Variants in STX1B observed in about 807,000 individuals in gnomAD.
STX1B encodes the protein syntaxin 1B, also known as syntaxin-1B.
In STX1B, 7 loss-of-function variants were observed where a neutral mutation model predicts 39.4. That is an observed-to-expected ratio of 0.18 (90% CI 0.10 to 0.33). The LOEUF is 0.33. Among genes scored for constraint, STX1B ranks in the 10% least tolerant of loss-of-function variants. The pLI, the probability that STX1B is intolerant of heterozygous loss-of-function variation, is 1.00. For missense variants in STX1B, 198 were observed against 383.2 expected (o/e 0.52, Z 4.04); for synonymous variants, 136 against 144.1 (o/e 0.94, Z 0.40).
intron 7 of STX1B, among the ~76,000 whole-genome samples, chr16:30,995,016 A>C (rs2143665324): frequency 6.6e-6 from 1 of 150,572 alleles, no homozygotes; most frequent in African/African-American, 2.4e-5. Context: ...TACTCAGGCA[A>C]TCCTTCCACC....
chr16:30,997,842 C>T (rs1233327713), intron 4 of STX1B, among the ~76,000 whole-genome samples: 1 of 152,216 alleles, frequency 6.6e-6, no homozygotes, highest in Non-Finnish European at 1.5e-5. Flanking sequence ...GCTATTTGTT[C>T]TAGTGGCAGA....
At chr16:30,993,077 C>T (rs957746814) in intron 9 of STX1B, 53 bp downstream of exon 9, 9 of 1,563,980 alleles carry the variant, frequency 5.8e-6, no homozygotes, top group East Asian at 2.2e-5. Flanking sequence ...CACCTCAGCC[C>T]GGGCTCAGCC....
rs1386770063 is a variant in STX1B at position 31,001,993 on chromosome 16, C to T, written c.31-390G>A. Among the ~76,000 whole-genome samples, 1 of 152,126 alleles carries T rather than the reference C, an allele frequency of 6.6e-6. No homozygotes were observed. The highest frequency in any genetic ancestry group is 1.5e-5 in the Non-Finnish European group (1 of 68,008). The stretch of plus-strand genomic sequence containing the variant: ...CGGGAGCCTGGATCTCCCTACTGTT[C>T]CTGCTCTCCTGCCCAGATCTCACTT... On this transcript the variant is annotated intron_variant, in intron 1 of 9. Transcript: ENST00000215095. This position sits in a 1 kb window ranked among gnomAD's most constrained non-coding sequence, Gnocchi z 5.5.
intron 4 of STX1B, 50 bp from the exon 5 acceptor site, chr16:30,997,625 GCGAGGGTC>G: frequency 6.5e-7 from 1 of 1,540,758 alleles, no homozygotes; most frequent in Non-Finnish European, 8.8e-7. Flanking sequence ...GGCACATGGG[GCGAGGGTC>G]CGGGGCGTAC....
chr16:30,996,600 A>C (rs1237022944), intron 7 of STX1B, 83 bp downstream of exon 7: 52 of 1,261,144 alleles, frequency 4.1e-5, no homozygotes, highest in Non-Finnish European at 5.8e-5. Flanking sequence ...TCCAGGGTGG[A>C]CTTAGGACCT....
chr16:30,997,888 T>C (rs2056604283), intron 4 of STX1B, among the ~76,000 whole-genome samples: 1 of 152,236 alleles, frequency 6.6e-6, no homozygotes, highest in Non-Finnish European at 1.5e-5. Flanking sequence ...TGGTAATTCC[T>C]GTCCAACTCC....
intron 7 of STX1B, among the ~76,000 whole-genome samples, chr16:30,995,975 G>C (rs1249600444): frequency 6.6e-6 from 1 of 152,104 alleles, no homozygotes; most frequent in Non-Finnish European, 1.5e-5. Flanking sequence ...CCAGAAGTTT[G>C]AGACCAGCCT....
chr16:30,994,421 CA>C (rs543652303), intron 7 of STX1B, among the ~76,000 whole-genome samples: 218 of 111,332 alleles, frequency 2.0e-3, no homozygotes, highest in East Asian at 0.016. Flanking sequence ...TTGTTTCTAT[CA>C]AAAAAAAAAA....
In STX1B at chr16:31,001,405, A is replaced by AGGGGCT. The variant is rs1233636210; in HGVS notation, c.105+118_105+123dup. The AGGGGCT allele has an allele frequency of 3.4e-5, 21 of 622,790 alleles. 1 individual carries two copies. Among genetic ancestry groups the AGGGGCT allele is most frequent in the Non-Finnish European group, 4.6e-5 (19 of 414,834 alleles). 38.6% of individuals were successfully genotyped at this position (622,790 alleles called of 1,614,324 possible). A position where few individuals can be genotyped will look rare whatever the true frequency, so the allele number is the denominator to read the frequency against. On this transcript the variant is annotated intron_variant, in intron 2 of 9. Coordinates refer to ENST00000215095, the MANE Select transcript of STX1B (RefSeq NM_052874.5). This position sits in a 1 kb window ranked among gnomAD's most constrained non-coding sequence, Gnocchi z 5.5. Reference sequence around the variant, plus strand: ...GGGGCTGCGGCTGGGCGGTGGGACTAGGGGCTGGGGCTGGGTGCTGGGGCT... The same window carrying AGGGGCT: ...GGGGCTGCGGCTGGGCGGTGGGACTAGGGGCTGGGGCTGGGGCTGGGTGCTGGGGCT...
chr16:30,994,119 C>G (rs530366446), intron 7 of STX1B, among the ~76,000 whole-genome samples: 1 of 151,224 alleles, frequency 6.6e-6, no homozygotes, highest in African/African-American at 2.4e-5. Flanking sequence ...GGTGAAACTC[C>G]GTCTCTACTA....
intron 1 of STX1B, among the ~76,000 whole-genome samples, chr16:31,005,102 A>T (rs2056648897): frequency 6.6e-6 from 1 of 152,208 alleles, no homozygotes; most frequent in South Asian, 2.1e-4. Flanking sequence ...GTGTGACCCC[A>T]GGCAAACTTA....
At chr16:31,003,398 G>A (rs181786673) in intron 1 of STX1B, among the ~76,000 whole-genome samples, 7 of 152,228 alleles carry the variant, frequency 4.6e-5, no homozygotes, top group African/African-American at 1.4e-4. Flanking sequence ...AGGACCCATC[G>A]GCCTACCATG....
intron 1 of STX1B, among the ~76,000 whole-genome samples, chr16:31,007,430 A>G (rs1280369612): frequency 3.3e-5 from 5 of 152,024 alleles, no homozygotes; most frequent in Admixed American, 2.6e-4. Flanking sequence ...GTCTTCTCCC[A>G]TAACCCACCT....
rs780898319 is a variant in STX1B, at chr16:31,001,207, T to C, written c.106-14A>G. 1 of 1,612,074 alleles carries C rather than the reference T, an allele frequency of 6.2e-7. No individual in the cohort carries two copies. Among genetic ancestry groups the C allele is most frequent in the Non-Finnish European group, 8.5e-7 (1 of 1,179,592 alleles). On this transcript the variant is annotated splice_polypyrimidine_tract_variant and intron_variant, in intron 2 of 9. Coordinates refer to ENST00000215095, the MANE Select transcript of STX1B (RefSeq NM_052874.5). This position sits in a 1 kb window ranked among gnomAD's most constrained non-coding sequence, Gnocchi z 5.5. ...GATCTCTTCCACCTGGAGCAGAAAATCGGCTATACCCAGCCAAGCTGTCAG... is the reference window on the plus strand; with the variant it reads ...GATCTCTTCCACCTGGAGCAGAAAACCGGCTATACCCAGCCAAGCTGTCAG...
intron 1 of STX1B, among the ~76,000 whole-genome samples, chr16:31,009,812 G>A (rs149903168): frequency 1.3e-5 from 2 of 151,774 alleles, no homozygotes; most frequent in East Asian, 1.9e-4. Context: ...GGCTCTCTCC[G>A]GAGGCCACCT....
chr16:30,996,873 C>G (rs933074514), intron 6 of STX1B, 78 bp downstream of exon 6: 3 of 1,571,182 alleles, frequency 1.9e-6, no homozygotes, highest in African/African-American at 2.7e-5. Flanking sequence ...CAGGGGCCCC[C>G]TCCAGAGAGG....
At chr16:31,003,068 C>A (rs1021740741) in intron 1 of STX1B, among the ~76,000 whole-genome samples, 4 of 152,142 alleles carry the variant, frequency 2.6e-5, no homozygotes, top group Admixed American at 6.6e-5. Flanking sequence ...AGCCAAAACT[C>A]AGGATCAGCA....
chr16:31,009,556 C>T (rs2056670734), intron 1 of STX1B, among the ~76,000 whole-genome samples: 1 of 152,020 alleles, frequency 6.6e-6, no homozygotes, highest in Non-Finnish European at 1.5e-5. Flanking sequence ...GAACCCCACT[C>T]CCCAGTTCCT....
chr16:31,000,237 CTCAGGT>C (rs2056618347), intron 4 of STX1B, among the ~76,000 whole-genome samples: 1 of 151,778 alleles, frequency 6.6e-6, no homozygotes, highest in Admixed American at 6.6e-5. Context: ...AACTCCTAAC[CTCAGGT>C]GATCCACCCA....
Sources: gnomAD v4.1 joint callset for allele counts (sites outside exome capture counted in the v4.1 genomes callset) on GRCh38, gnomAD v4.1.1 for gene constraint, Gnocchi (gnomAD v3.1) non-coding constraint, MANE v1.5 for transcripts, NCBI Gene and HGNC (gene_info 2026-07-23, HGNC 2026-07-21) for gene names.